Variants in MNAT1 observed in about 807,000 individuals in gnomAD.
The protein encoded by MNAT1 is CDK-activating kinase assembly factor MAT1.
MNAT1 carries 43 observed loss-of-function variants against 42.0 expected under a neutral mutation model. The observed-to-expected ratio is 1.02, with a 90% CI of 0.80 to 1.32. The LOEUF (loss-of-function observed/expected upper bound fraction) is 1.32, where lower values mean the gene tolerates loss of function less well. MNAT1 is among the 40% of genes most tolerant of loss of function. The probability of loss-of-function intolerance (pLI) is 0.00; values close to 1 mark genes in which losing one functional copy is unlikely to be tolerated. For missense variants in MNAT1, 306 were observed against 350.4 expected, an observed-to-expected ratio of 0.87 and a Z score of 1.01; for synonymous variants, 118 against 120.0, an observed-to-expected ratio of 0.98 and a Z score of 0.11.
chr14:60,798,297 T>C lies in MNAT1; in HGVS notation c.316+137T>C, dbSNP rs1036384552. 3.9e-5 allele frequency: 20 copies of C among 506,820 alleles called. No homozygotes were observed. The Admixed American group carries it at 5.9e-4, about 15-fold the overall frequency. 31.4% of individuals were successfully genotyped at this position (506,820 alleles called of 1,614,324 possible). A position where few individuals can be genotyped will look rare whatever the true frequency, so the allele number is the denominator to read the frequency against. On this transcript the variant is annotated intron_variant, in intron 3 of 7. Transcript: ENST00000261245. ...CTAACATTTACCTAATTACTTTCTT[T>C]TGCACTTGAGTCATGTTTGTCAAAT... is the stretch of plus-strand genomic sequence containing the variant.
Position 60,968,708 on chromosome 14 carries a change from G to A in MNAT1, c.*359G>A, listed in dbSNP as rs1040560483. ...TCTGTGGTTTTTCTCTTATTACAGT[G>A]TTTTACTTGAACACATTTTAAATAC... On this transcript the variant is annotated 3_prime_UTR_variant, in exon 8 of 8. Coordinates refer to ENST00000261245, the MANE Select transcript of MNAT1 (RefSeq NM_002431.4). 16 of 330,894 alleles carry A rather than the reference G, an allele frequency of 4.8e-5. No homozygotes were observed. Among genetic ancestry groups the A allele is most frequent in the South Asian group, 2.3e-4 (8 of 35,324 alleles). 20.5% of individuals were successfully genotyped at this position (330,894 alleles called of 1,614,324 possible). A position where few individuals can be genotyped will look rare whatever the true frequency, so the allele number is the denominator to read the frequency against.
At chr14:60,907,774 CTG>C (rs2035237935) in intron 7 of MNAT1, among the ~76,000 whole-genome samples, 1 of 77,994 alleles carries the variant, frequency 1.3e-5, no homozygotes, top group Non-Finnish European at 2.3e-5. Flanking sequence ...AAGAGCGAAA[CTG>C]TGTCTCAAAA....
chr14:60,895,826 G>A (rs1012080061), intron 7 of MNAT1, among the ~76,000 whole-genome samples: 19 of 152,090 alleles, frequency 1.2e-4, no homozygotes, highest in African/African-American at 3.6e-4. Flanking sequence ...CAATATCTGC[G>A]TTGAAACTAT....
chr14:60,952,094 G>A (rs1162275855), intron 7 of MNAT1, among the ~76,000 whole-genome samples: 6 of 151,990 alleles, frequency 3.9e-5, no homozygotes, highest in Admixed American at 2.6e-4. Context: ...TTACATGCAG[G>A]GCTGCAAGCC....
chr14:60,887,086 A>G (rs1454464833), intron 7 of MNAT1, among the ~76,000 whole-genome samples: 4 of 152,126 alleles, frequency 2.6e-5, no homozygotes, highest in African/African-American at 4.8e-5. Flanking sequence ...AACTTTGTCA[A>G]ATGCTTTCCC....
chr14:60,853,523 C>T (rs1203810315), intron 6 of MNAT1, among the ~76,000 whole-genome samples: 20 of 152,162 alleles, frequency 1.3e-4, no homozygotes, highest in Admixed American at 7.2e-4. Context: ...TCTTCCTATT[C>T]AAATACTCTT....
chr14:60,911,644 T>A (rs1308205216), intron 7 of MNAT1, among the ~76,000 whole-genome samples: 1 of 152,242 alleles, frequency 6.6e-6, no homozygotes, highest in South Asian at 2.1e-4. Flanking sequence ...AGTGAGTTTC[T>A]TAATCCTGAG....
At chr14:60,909,541 T>C (rs937893298) in intron 7 of MNAT1, among the ~76,000 whole-genome samples, 13 of 152,202 alleles carry the variant, frequency 8.5e-5, no homozygotes, top group African/African-American at 2.4e-4. Flanking sequence ...TTTCTACATA[T>C]GGTTAGCCAG....
chr14:60,843,472 G>T (rs374882248), intron 6 of MNAT1, among the ~76,000 whole-genome samples: 2 of 151,722 alleles, frequency 1.3e-5, no homozygotes, highest in Non-Finnish European at 2.9e-5. Context: ...GGGTTTCACC[G>T]TGTTGGCCAG....
At chr14:60,884,333 G>C (rs2034614569) in intron 7 of MNAT1, among the ~76,000 whole-genome samples, 1 of 151,860 alleles carries the variant, frequency 6.6e-6, no homozygotes, top group South Asian at 2.1e-4. Flanking sequence ...ATATGGTTTG[G>C]TCCTCACTCT....
intron 7 of MNAT1, among the ~76,000 whole-genome samples, chr14:60,944,021 A>G (rs1468993378): frequency 2.0e-5 from 3 of 152,262 alleles, no homozygotes; most frequent in African/African-American, 7.2e-5. Flanking sequence ...TCCAGAAACT[A>G]TGCAAGGGTA....
At chr14:60,939,252 G>A (rs1461156423) in intron 7 of MNAT1, among the ~76,000 whole-genome samples, 3 of 152,120 alleles carry the variant, frequency 2.0e-5, no homozygotes, top group African/African-American at 4.8e-5. Context: ...CTCTGACTTA[G>A]TTATTTCTTG....
intron 7 of MNAT1, among the ~76,000 whole-genome samples, chr14:60,930,622 A>G (rs1026395151): frequency 1.3e-5 from 2 of 152,188 alleles, no homozygotes; most frequent in Non-Finnish European, 2.9e-5. Flanking sequence ...TCATAGAGAT[A>G]TGGACATTCA....
At chr14:60,794,784 TTTTTCTTATTAC>T in intron 1 of MNAT1, among the ~76,000 whole-genome samples, 1 of 151,398 alleles carries the variant, frequency 6.6e-6, no homozygotes, top group Non-Finnish European at 1.5e-5. Flanking sequence ...AAAATTCTTA[TTTTTCTTATTAC>T]TTTTCTTATT....
Position 60,811,910 on chromosome 14 carries a change from G to T in MNAT1, c.421-77G>T, listed in dbSNP as rs1167163284. 3 of 1,051,810 alleles carry T rather than the reference G, an allele frequency of 2.9e-6. No individual in the cohort carries two copies. In the East Asian group the frequency reaches 8.0e-5, roughly 28 times the overall value. The allele number at this position is 1,051,810 out of a possible 1,614,324, so 65.2% of individuals were successfully genotyped here. On this transcript the variant is annotated intron_variant, in intron 4 of 7. Coordinates refer to ENST00000261245, the MANE Select transcript of MNAT1 (RefSeq NM_002431.4). Reference sequence around the variant, plus strand: ...TAGTGTGTTTTATGCTTCCAATAAAGAAAGTATTAGAGTGTGGTATATGAT... The same window carrying T: ...TAGTGTGTTTTATGCTTCCAATAAATAAAGTATTAGAGTGTGGTATATGAT...
At chr14:60,869,040 A>ATATATATATATATATATATATATATTT (rs1465360826) in intron 6 of MNAT1, among the ~76,000 whole-genome samples, 5 of 113,022 alleles carry the variant, frequency 4.4e-5, no homozygotes, top group Non-Finnish European at 7.3e-5. Flanking sequence ...ATATATATAT[A>ATATATATATATATATATATATATATTT]TTTTTTTTTT....
intron 1 of MNAT1, among the ~76,000 whole-genome samples, chr14:60,758,447 C>T (rs1594729725): frequency 6.6e-6 from 1 of 152,010 alleles, no homozygotes; most frequent in Non-Finnish European, 1.5e-5. Flanking sequence ...AAGTGATCCT[C>T]CCACCTCAGC....
At chr14:60,763,927 G>A (rs185152736) in intron 1 of MNAT1, among the ~76,000 whole-genome samples, 13 of 152,316 alleles carry the variant, frequency 8.5e-5, no homozygotes, top group Admixed American at 4.6e-4. Context: ...ATGTAAACTA[G>A]TTTTGCTTAA....
intron 7 of MNAT1, among the ~76,000 whole-genome samples, chr14:60,947,439 T>C (rs769015244): frequency 2.0e-4 from 31 of 152,082 alleles, no homozygotes; most frequent in Admixed American, 3.3e-4. Context: ...TCCCAGCACT[T>C]TGGGAGGCCG....
Sources: allele counts gnomAD v4.1 joint callset (sites outside exome capture counted in the v4.1 genomes callset), GRCh38; gene constraint gnomAD v4.1.1; transcripts MANE v1.5; gene names NCBI Gene and HGNC (gene_info 2026-07-23, HGNC 2026-07-21).